Variants in PTPRD observed in about 807,000 individuals in gnomAD.
PTPRD encodes the protein receptor-type tyrosine-protein phosphatase delta.
In PTPRD, 34 loss-of-function variants were observed where a neutral mutation model predicts 214.5. The observed-to-expected ratio is 0.16, with a 90% CI of 0.12 to 0.21. PTPRD has a LOEUF of 0.21. Ranked by LOEUF, PTPRD falls within the 10% of genes least tolerant of loss-of-function variation. PTPRD has a pLI of 1.00. For synonymous variants in PTPRD, 1,128 were observed against 845.7 expected (o/e 1.33, Z -5.79); for missense variants, 2,545 against 2,398.7 (o/e 1.06, Z -1.27).
At chr9:9,868,343 T>G (rs1215577990) in intron 5 of PTPRD, among the ~76,000 whole-genome samples, 4 of 152,048 alleles carry the variant, frequency 2.6e-5, no homozygotes, top group Non-Finnish European at 4.4e-5. Context: ...TTAAATACAG[T>G]CCAAAATGCT....
intron 2 of PTPRD, among the ~76,000 whole-genome samples, chr9:10,362,012 G>A (rs1221962572): frequency 6.6e-6 from 1 of 152,150 alleles, no homozygotes; most frequent in Non-Finnish European, 1.5e-5. Context: ...TCATGTTCAT[G>A]TTTTCAGTCC....
intron 2 of PTPRD, among the ~76,000 whole-genome samples, chr9:10,606,938 G>A (rs1220127542): frequency 6.6e-6 from 1 of 151,804 alleles, no homozygotes; most frequent in African/African-American, 2.4e-5. Flanking sequence ...ACTTAAAAAT[G>A]AATTATTTCA....
At chr9:9,493,771 G>A (rs1305068141) in intron 8 of PTPRD, among the ~76,000 whole-genome samples, 4 of 112,052 alleles carry the variant, frequency 3.6e-5, no homozygotes, top group African/African-American at 1.4e-4. Flanking sequence ...CTGGGTGACA[G>A]AGCAAGACTC....
At chr9:10,163,842 A>C (rs1333968557) in intron 3 of PTPRD, among the ~76,000 whole-genome samples, 1 of 151,564 alleles carries the variant, frequency 6.6e-6, no homozygotes, top group Non-Finnish European at 1.5e-5. Flanking sequence ...TAAGACAAAA[A>C]TCTATTAACA....
intron 10 of PTPRD, among the ~76,000 whole-genome samples, chr9:9,028,569 T>G: frequency 6.6e-6 from 1 of 152,142 alleles, no homozygotes; most frequent in Admixed American, 6.6e-5. Context: ...GTCTATTTAT[T>G]TAATCCTATA....
Position 8,963,911 on chromosome 9 carries a change from G to A in PTPRD, c.-104+54786C>T, listed in dbSNP as rs563201830. ...TTACAGGCATGAGCCATTGCACCCA[G>A]CCTAAATTAACTTTTTGATGTGCTG... On this transcript the variant is annotated intron_variant, in intron 11 of 45. Coordinates refer to ENST00000381196, the MANE Select transcript of PTPRD (RefSeq NM_002839.4). Among the ~76,000 whole-genome samples, 8 of 152,186 alleles carry A rather than the reference G, an allele frequency of 5.3e-5. No homozygotes were observed. The South Asian group carries it at 1.7e-3, about 32-fold the overall frequency.
At chr9:8,952,735 T>C (rs771325967) in intron 11 of PTPRD, among the ~76,000 whole-genome samples, 2 of 151,846 alleles carry the variant, frequency 1.3e-5, no homozygotes, top group African/African-American at 4.8e-5. Flanking sequence ...AATTAAGATT[T>C]TCATGAAAGA....
intron 5 of PTPRD, among the ~76,000 whole-genome samples, chr9:9,894,263 G>C (rs987935710): frequency 2.6e-5 from 4 of 151,906 alleles, no homozygotes. Flanking sequence ...CTCAGCCCCA[G>C]ATTTCTTCTG....
chr9:8,572,171 A>T (rs2091326397), intron 14 of PTPRD, among the ~76,000 whole-genome samples: 1 of 152,118 alleles, frequency 6.6e-6, no homozygotes, highest in East Asian at 1.9e-4. Flanking sequence ...AACTGGACTG[A>T]ATGTTTGAGT....
chr9:8,819,597 G>A (rs1159199548), intron 11 of PTPRD, among the ~76,000 whole-genome samples: 1 of 152,072 alleles, frequency 6.6e-6, no homozygotes, highest in Admixed American at 6.5e-5. Flanking sequence ...GGAGGCAGAG[G>A]TTGCAGTGAG....
intron 12 of PTPRD, among the ~76,000 whole-genome samples, chr9:8,702,859 G>A (rs530740650): frequency 1.3e-5 from 2 of 152,064 alleles, no homozygotes; most frequent in African/African-American, 4.8e-5. Context: ...CGCCCGCCTC[G>A]GCCTCCCAAA....
chr9:9,441,076 A>G (rs2087509286), intron 8 of PTPRD, among the ~76,000 whole-genome samples: 1 of 152,092 alleles, frequency 6.6e-6, no homozygotes, highest in African/African-American at 2.4e-5. Context: ...TCATTATCTC[A>G]ACCAATAATT....
chr9:10,536,743 A>G (rs1242412210), intron 2 of PTPRD, among the ~76,000 whole-genome samples: 1 of 152,166 alleles, frequency 6.6e-6, no homozygotes, highest in Non-Finnish European at 1.5e-5. Context: ...AATAAAAAAC[A>G]TAAGTGAAAA....
chr9:8,878,179 C>T (rs1275401177), intron 11 of PTPRD, among the ~76,000 whole-genome samples: 6 of 152,204 alleles, frequency 3.9e-5, no homozygotes, highest in Non-Finnish European at 8.8e-5. Context: ...GTATGAAACA[C>T]TGTGTCTTAG....
chr9:9,785,234 T>A (rs984185265), intron 5 of PTPRD, among the ~76,000 whole-genome samples: 32 of 152,030 alleles, frequency 2.1e-4, no homozygotes, highest in African/African-American at 7.7e-4. Flanking sequence ...AACACTACAG[T>A]AGTAATTATT....
chr9:9,933,507 C>A (rs1203664962), intron 5 of PTPRD, among the ~76,000 whole-genome samples: 6 of 151,788 alleles, frequency 4.0e-5, no homozygotes, highest in Non-Finnish European at 7.3e-5. Flanking sequence ...GTAAAGGGAT[C>A]AATTCAACAA....
At chr9:8,801,661 G>C (rs1257238744) in intron 11 of PTPRD, among the ~76,000 whole-genome samples, 1 of 152,108 alleles carries the variant, frequency 6.6e-6, no homozygotes, top group African/African-American at 2.4e-5. Context: ...GGTTGCAGTG[G>C]GCAGAGATGG....
chr9:8,803,221 G>C (rs12683411), intron 11 of PTPRD, among the ~76,000 whole-genome samples: 15,522 of 152,122 alleles, frequency 0.1, 1,064 homozygotes, highest in East Asian at 0.35. Context: ...ACACACATCT[G>C]AAAGTGTTTG....
chr9:9,926,800 T>A (rs2084482961), intron 5 of PTPRD, among the ~76,000 whole-genome samples: 1 of 152,160 alleles, frequency 6.6e-6, no homozygotes, highest in African/African-American at 2.4e-5. Flanking sequence ...AGCATTTGTT[T>A]AGAGAGATAA....
Sources: gnomAD v4.1 joint callset for allele counts (sites outside exome capture counted in the v4.1 genomes callset) on GRCh38, gnomAD v4.1.1 for gene constraint, MANE v1.5 for transcripts, NCBI Gene and HGNC (gene_info 2026-07-23, HGNC 2026-07-21) for gene names.